The following WDR13 variants were observed in gnomAD, a reference collection of about 807,000 sequenced individuals.
WDR13 encodes the protein WD repeat-containing protein 13.
WDR13 carries 1 observed loss-of-function variant against 28.6 expected under a neutral mutation model. The observed-to-expected ratio is 0.03, with a 90% CI of 0.01 to 0.17. The LOEUF is 0.17. Ranked by LOEUF, WDR13 falls within the 10% of genes least tolerant of loss-of-function variation. The pLI is 1.00. For missense variants in WDR13, 264 were observed against 469.3 expected, an observed-to-expected ratio of 0.56 and a Z score of 4.04; for synonymous variants, 201 against 185.9, an observed-to-expected ratio of 1.08 and a Z score of -0.66.
chrX:48,601,281 G>A (rs1373495193), intron 6 of WDR13, among the ~76,000 whole-genome samples: 1 of 112,875 alleles, frequency 8.9e-6, no homozygotes, highest in East Asian at 2.8e-4. Flanking sequence ...TGGTCTGTCA[G>A]TGGCCCCACC....
intron 8 of WDR13, among the ~76,000 whole-genome samples, chrX:48,602,655 A>G (rs1422555598): frequency 3.7e-5 from 4 of 107,712 alleles, no homozygotes; most frequent in Non-Finnish European, 7.7e-5. Flanking sequence ...AAGAGCTTCA[A>G]AAACTCCTGT....
Position 48,606,737 on chromosome X carries a change from T to C in WDR13, c.*1705T>C, listed in dbSNP as rs1362122182. 8.9e-6 allele frequency: 1 copy of C among 112,058 alleles called. No individual in the cohort carries two copies. Among genetic ancestry groups the C allele is most frequent in the Non-Finnish European group, 1.9e-5 (1 of 53,225 alleles). 9.2% of individuals were successfully genotyped at this position (112,058 alleles called of 1,213,427 possible). ...GCCCCTCCCTTCCTTCTCAGCTCCA[T>C]TTGTTGCCACATATGCGTTGACTGG... On this transcript the variant is annotated 3_prime_UTR_variant, in exon 10 of 10. Coordinates refer to ENST00000376729, the MANE Select transcript of WDR13 (RefSeq NM_001347217.2).
chrX:48,597,918 T>C (rs2062153455), intron 1 of WDR13, 40 bp from the exon 2 acceptor site: 1 of 1,145,555 alleles, frequency 8.7e-7, no homozygotes, highest in Non-Finnish European at 1.2e-6. Flanking sequence ...ACTAGATCCC[T>C]TCGCTCGGGA....
intron 7 of WDR13, 49 bp downstream of exon 7, chrX:48,602,013 C>A: frequency 2.5e-6 from 3 of 1,197,640 alleles, no homozygotes; most frequent in Non-Finnish European, 3.4e-6. Flanking sequence ...CCAGCCCTCC[C>A]AGGGCACAGC....
Position 48,607,559 on chromosome X carries a change from G to A in WDR13, c.*2527G>A, listed in dbSNP as rs1015681482. Reference sequence around the variant, plus strand: ...ATTTTTGTATTTTTAGTAGGGATGGGGTTTCACCATGTTGGCCAGGCTGAT... The same window carrying A: ...ATTTTTGTATTTTTAGTAGGGATGGAGTTTCACCATGTTGGCCAGGCTGAT... On this transcript the variant is annotated 3_prime_UTR_variant, in exon 10 of 10. Coordinates refer to ENST00000376729, the MANE Select transcript of WDR13 (RefSeq NM_001347217.2). 4.6e-5 allele frequency: 5 copies of A among 108,866 alleles called. No homozygotes were observed. Among genetic ancestry groups the A allele is most frequent in the Non-Finnish European group, 9.5e-5 (5 of 52,505 alleles). The allele number at this position is 108,866 out of a possible 1,213,427, so 9.0% of individuals were successfully genotyped here. A position where few individuals can be genotyped will look rare whatever the true frequency, so the allele number is the denominator to read the frequency against.
At position 48,607,398 on chromosome X, in the gene WDR13, T is replaced by G; in HGVS notation, c.*2366T>G. ...TTTTTTGGCGGGGGGGGGGGGGTCT[T>G]GCTCTGACGCCCAGGCTGGAATGCA... On this transcript the variant is annotated 3_prime_UTR_variant, in exon 10 of 10. Transcript: ENST00000376729. 1.5e-5 allele frequency: 1 copy of G among 66,632 alleles called. No individual in the cohort carries two copies. The highest frequency in any genetic ancestry group is 1.9e-4 in the Admixed American group (1 of 5,227). 5.5% of individuals were successfully genotyped at this position (66,632 alleles called of 1,213,427 possible). A position where few individuals can be genotyped will look rare whatever the true frequency, so the allele number is the denominator to read the frequency against.
rs2062154302 is a variant in WDR13, at chrX:48,598,029, G to A, written c.33G>A (p.Val11=). The A allele has an allele frequency of 8.6e-7, 1 of 1,165,689 alleles. No individual in the cohort carries two copies. Among genetic ancestry groups the A allele is most frequent in the Non-Finnish European group, 1.1e-6 (1 of 872,307 alleles). ...CGGTGTGGCAGCAAGTCTTAGCAGT[G>A]GACGCGAGGTGAGGCGTGGGGTCAA... MAAVWQQVLA[V]DARYNAYRTP... is the part of the protein sequence containing the mutation. Residue 11 remains valine (V), a synonymous_variant, in exon 2 of 10, where the codon GTG becomes GTA. Transcript: ENST00000376729.
rs782210313 is a variant in WDR13, at chrX:48,604,996, C to T, written c.1422C>T (p.Ser474=). ...DESLLASSDA[S]GMVIVWRREQ... is the part of the protein sequence containing the mutation. ...GCCTACTGGCCTCCAGTGACGCCAG[C>T]GGCATGGTCATCGTCTGGAGGCGGG... Residue 474 remains serine (S), a synonymous_variant, in exon 10 of 10, where the codon AGC becomes AGT. Coordinates refer to ENST00000376729, the MANE Select transcript of WDR13 (RefSeq NM_001347217.2). 8 of 1,209,919 alleles carry T rather than the reference C, an allele frequency of 6.6e-6. No individual in the cohort carries two copies. The highest frequency in any genetic ancestry group is 3.5e-5 in the South Asian group (2 of 56,922).
Position 48,608,782 on chromosome X carries a change from A to G in WDR13, c.*3750A>G, listed in dbSNP as rs1036655745. 1 of 111,448 alleles carries G rather than the reference A, an allele frequency of 9.0e-6. No homozygotes were observed. The highest frequency in any genetic ancestry group is 9.6e-5 in the Admixed American group (1 of 10,396). The allele number at this position is 111,448 out of a possible 1,213,427, so 9.2% of individuals were successfully genotyped here. A position where few individuals can be genotyped will look rare whatever the true frequency, so the allele number is the denominator to read the frequency against. On this transcript the variant is annotated 3_prime_UTR_variant, in exon 10 of 10. Transcript: ENST00000376729. ...GGTGGCAGATTTGACATTCTACTTT[A>G]AACTCATCTTGGTGGCACTTTTCTT...
intron 2 of WDR13, chrX:48,598,359 C>G: frequency 3.9e-6 from 4 of 1,016,248 alleles, no homozygotes; most frequent in Middle Eastern, 4.0e-4. Context: ...CATCACTTCC[C>G]CATTCTGACC....
intron 8 of WDR13, among the ~76,000 whole-genome samples, chrX:48,603,154 A>G (rs967238995): frequency 8.9e-6 from 1 of 111,917 alleles, no homozygotes; most frequent in Admixed American, 9.5e-5. Context: ...CTGAGATTAC[A>G]GGCACACGCC....
Position 48,597,992 on chromosome X carries a change from G to A in WDR13, c.-5G>A. On this transcript the variant is annotated 5_prime_UTR_variant, in exon 2 of 10. Transcript: ENST00000376729. ...GGCGGACACGCCAGAGGAGGAGGCC[G>A]GGGAATGGCCGCGGTGTGGCAGCAA... 1 of 1,165,891 alleles carries A rather than the reference G, an allele frequency of 8.6e-7. No homozygotes were observed. Among genetic ancestry groups the A allele is most frequent in the Non-Finnish European group, 1.1e-6 (1 of 872,274 alleles).
At position 48,601,939 on chromosome X, in the gene WDR13, C is replaced by G; in HGVS notation, c.987C>G (p.Phe329Leu). ...LWAGDDRGSVFSFLFDMATGK... is the reference protein window; with the variant it reads ...LWAGDDRGSVLSFLFDMATGK... ...CGGGTGATGACCGTGGCAGTGTCTT[C>G]TCTTTCCTCTTTGATATGGCCACAG... The change falls in exon 7 of 10, where the codon TTC becomes TTG. Residue 329 changes from phenylalanine to leucine, a missense_variant. By Grantham distance (22) the Phe-to-Leu change is conservative. This residue lies in a region of WDR13 where 157 missense variants were observed against 270.2 expected (regional missense o/e 0.58). Transcript: ENST00000376729. 8.4e-7 allele frequency: 1 copy of G among 1,193,237 alleles called. No individual in the cohort carries two copies. Among genetic ancestry groups the G allele is most frequent in the Non-Finnish European group, 1.1e-6 (1 of 884,312 alleles).
At chrX:48,602,276 A>C in intron 8 of WDR13, 70 bp downstream of exon 8, 154 of 1,071,549 alleles carry the variant, frequency 1.4e-4, no homozygotes, top group Non-Finnish European at 1.8e-4. Context: ...ACAGTAGCTC[A>C]TCTCCTCCAT....
At chrX:48,601,543 A>T (rs1309369132) in intron 6 of WDR13, among the ~76,000 whole-genome samples, 1 of 112,493 alleles carries the variant, frequency 8.9e-6, no homozygotes, top group African/African-American at 3.2e-5. Flanking sequence ...GCCAAGGGGC[A>T]GCATGATGGC....
In WDR13 at chrX:48,606,145, G is replaced by A. The variant is rs781824694; in HGVS notation, c.*1113G>A. 7 of 107,107 alleles carry A rather than the reference G, an allele frequency of 6.5e-5. No individual in the cohort carries two copies. The highest frequency in any genetic ancestry group is 2.0e-4 in the African/African-American group (6 of 29,275). The allele number at this position is 107,107 out of a possible 1,213,427, so 8.8% of individuals were successfully genotyped here. On this transcript the variant is annotated 3_prime_UTR_variant, in exon 10 of 10. Transcript: ENST00000376729. ...GAACATGATCTGACTTGGTCATAGA[G>A]GCTCCCTCTGGCTGCTGAAGGGGAC... is the stretch of plus-strand genomic sequence containing the variant.
Position 48,607,270 on chromosome X carries a change from G to T in WDR13, c.*2238G>T, listed in dbSNP as rs2062225756. 9.1e-6 allele frequency: 1 copy of T among 109,393 alleles called. No individual in the cohort carries two copies. The highest frequency in any genetic ancestry group is 3.3e-5 in the African/African-American group (1 of 30,003). 9.0% of individuals were successfully genotyped at this position (109,393 alleles called of 1,213,427 possible). A position where few individuals can be genotyped will look rare whatever the true frequency, so the allele number is the denominator to read the frequency against. On this transcript the variant is annotated 3_prime_UTR_variant, in exon 10 of 10. Coordinates refer to ENST00000376729, the MANE Select transcript of WDR13 (RefSeq NM_001347217.2). ...TCACACAAGATGTGCTCGGTTCACA[G>T]TAATGGGTTGTGACAATACATGCGA...
intron 4 of WDR13, 29 bp downstream of exon 4, chrX:48,599,491 G>C (rs1252519969): frequency 8.3e-7 from 1 of 1,203,470 alleles, no homozygotes; most frequent in Non-Finnish European, 1.1e-6. Context: ...CAAGGCGGGG[G>C]GCGGGTTGCG....
At chrX:48,597,852 T>G (rs1397854244) in intron 1 of WDR13, 106 bp from the exon 2 acceptor site, 1 of 1,015,681 alleles carries the variant, frequency 9.8e-7, no homozygotes, top group African/African-American at 2.0e-5. Context: ...TCGTGACATC[T>G]CCGGCGCGGA....
Sources: gnomAD v4.1 joint callset for allele counts (sites outside exome capture counted in the v4.1 genomes callset) on GRCh38, gnomAD v4.1.1 for gene constraint, gnomAD v4.1.1 regional missense constraint, MANE v1.5 for transcripts, NCBI Gene and HGNC (gene_info 2026-07-23, HGNC 2026-07-21) for gene names.